Variants in ZNF148 observed in about 807,000 individuals in gnomAD.
ZNF148 encodes zinc finger protein 148, also known as Beta-Enolase Repressor Factor-1.
ZNF148 carries 7 observed loss-of-function variants against 67.7 expected under a neutral mutation model. That is an observed-to-expected ratio of 0.10 (90% CI 0.06 to 0.19). The LOEUF (loss-of-function observed/expected upper bound fraction) is 0.19, where lower values mean the gene tolerates loss of function less well. ZNF148 is among the 10% of genes least tolerant of loss of function. The probability of loss-of-function intolerance (pLI) is 1.00; values close to 1 mark genes in which losing one functional copy is unlikely to be tolerated. For synonymous variants in ZNF148, 333 were observed against 330.7 expected (o/e 1.01, Z -0.08); for missense variants, 583 against 947.1 (o/e 0.62, Z 5.05).
chr3:125,306,998 C>T (rs1939912506), intron 4 of ZNF148, among the ~76,000 whole-genome samples: 6 of 150,758 alleles, frequency 4.0e-5, no homozygotes, highest in Admixed American at 3.3e-4. Context: ...GAGAAGGAAA[C>T]ACTTCCTAAC....
In ZNF148 at chr3:125,288,150, C is replaced by T. The variant is rs778179692; in HGVS notation, c.412G>A (p.Val138Ile). 1.8e-5 allele frequency: 29 copies of T among 1,613,764 alleles called. No individual in the cohort carries two copies. Among genetic ancestry groups the T allele is most frequent in the Non-Finnish European group, 2.4e-5 (28 of 1,179,892 alleles). The change falls in exon 5 of 9, where the codon GTA becomes ATA. Residue 138 changes from valine (V) to isoleucine (I), a missense_variant. Val to Ile is a conservative substitution (Grantham distance 29, BLOSUM62 3). Transcript: ENST00000360647. ...MRDKKQIREPVDLQKKKKRKQ... is the reference protein window; with the variant it reads ...MRDKKQIREPIDLQKKKKRKQ... ...CGCTTCTTCTTTTTCTGTAAGTCTA[C>T]TGGCTCTCTGATTTGTTTTTTGTCT...
chr3:125,226,336 T>C lies in ZNF148; in HGVS notation c.*6005A>G, dbSNP rs994682242. On this transcript the variant is annotated 3_prime_UTR_variant, in exon 9 of 9. Transcript: ENST00000360647. The stretch of plus-strand genomic sequence containing the variant: ...ACCATTCGTTATTTGGTTCAGAATA[T>C]TGTGAAAAATTCAGCTCGAAAATTA... 3.4e-4 allele frequency: 52 copies of C among 152,484 alleles called. 1 individual carries two copies. The highest frequency in any genetic ancestry group is 3.4e-3 in the Middle Eastern group (1 of 294). The allele number at this position is 152,484 out of a possible 1,614,324, so 9.4% of individuals were successfully genotyped here. A position where few individuals can be genotyped will look rare whatever the true frequency, so the allele number is the denominator to read the frequency against.
At chr3:125,270,060 T>C (rs1314333888) in intron 7 of ZNF148, among the ~76,000 whole-genome samples, 1 of 152,124 alleles carries the variant, frequency 6.6e-6, no homozygotes, top group Non-Finnish European at 1.5e-5. Context: ...CTCAGAATCA[T>C]GCAATATCCC....
At chr3:125,291,193 T>C (rs986158793) in intron 4 of ZNF148, among the ~76,000 whole-genome samples, 2 of 152,090 alleles carry the variant, frequency 1.3e-5, no homozygotes, top group African/African-American at 4.8e-5. Context: ...CCCAGTGACA[T>C]CCACTTCCCT....
chr3:125,342,689 A>C (rs1479159007), intron 1 of ZNF148, among the ~76,000 whole-genome samples: 1 of 152,208 alleles, frequency 6.6e-6, no homozygotes, highest in Non-Finnish European at 1.5e-5. Flanking sequence ...AGGAATGTTG[A>C]AATATCAAAG....
At chr3:125,312,259 A>T (rs115992067) in intron 4 of ZNF148, among the ~76,000 whole-genome samples, 120 of 152,348 alleles carry the variant, frequency 7.9e-4, no homozygotes, top group African/African-American at 2.7e-3. Flanking sequence ...TATTCCAGGT[A>T]TGAAAGTTGC....
At chr3:125,352,612 T>G (rs1422435802) in intron 1 of ZNF148, among the ~76,000 whole-genome samples, 1 of 149,636 alleles carries the variant, frequency 6.7e-6, no homozygotes, top group African/African-American at 2.5e-5. Context: ...ATGGAAGATC[T>G]AAGTAAACGG....
intron 1 of ZNF148, among the ~76,000 whole-genome samples, chr3:125,345,581 TAACAAC>T (rs145079901): frequency 2.9e-4 from 44 of 150,696 alleles, no homozygotes; most frequent in Admixed American, 2.2e-3. Flanking sequence ...CTATCAAAAC[TAACAAC>T]AACAACAACA....
intron 1 of ZNF148, among the ~76,000 whole-genome samples, chr3:125,374,830 C>T (rs949556035): frequency 1.4e-4 from 21 of 152,042 alleles, no homozygotes; most frequent in African/African-American, 5.1e-4. Context: ...ACACCCGCCT[C>T]CAGCCTCGGA....
chr3:125,315,280 T>A (rs1446814811), intron 3 of ZNF148, among the ~76,000 whole-genome samples: 2 of 152,074 alleles, frequency 1.3e-5, no homozygotes, highest in African/African-American at 4.8e-5. Context: ...AAACTCCATA[T>A]CCTTAATATA....
At chr3:125,306,692 C>CA (rs1466263034) in intron 4 of ZNF148, among the ~76,000 whole-genome samples, 3 of 151,692 alleles carry the variant, frequency 2.0e-5, no homozygotes, top group East Asian at 3.9e-4. Flanking sequence ...CCTGTCTCTA[C>CA]AAAAAAAATT....
intron 4 of ZNF148, among the ~76,000 whole-genome samples, chr3:125,307,914 T>C (rs556199940): frequency 2.7e-4 from 40 of 150,884 alleles, no homozygotes; most frequent in African/African-American, 9.0e-4. Flanking sequence ...CTCGGCCCCC[T>C]AAAGTGCTGA....
chr3:125,317,698 CAT>C (rs1553708300), intron 3 of ZNF148, among the ~76,000 whole-genome samples: 4 of 103,328 alleles, frequency 3.9e-5, no homozygotes, highest in East Asian at 2.6e-4. Flanking sequence ...TACACACACA[CAT>C]ATATATATAT....
chr3:125,315,526 G>A (rs1183516771), intron 3 of ZNF148, among the ~76,000 whole-genome samples: 1 of 151,922 alleles, frequency 6.6e-6, no homozygotes, highest in South Asian at 2.1e-4. Context: ...GGCCAACATG[G>A]TGAAACCCTG....
chr3:125,372,994 T>A (rs180685027), intron 1 of ZNF148, among the ~76,000 whole-genome samples: 5,417 of 152,040 alleles, frequency 0.036, 151 homozygotes, highest in South Asian at 0.085. Flanking sequence ...AAAATTTTTT[T>A]AAAAAGGGTA....
intron 4 of ZNF148, among the ~76,000 whole-genome samples, chr3:125,307,811 AT>A (rs34469920): frequency 0.032 from 4,040 of 127,192 alleles, 73 homozygotes; most frequent in Middle Eastern, 0.043. Context: ...TGCCCAGATA[AT>A]TTTTTTTTTT....
At chr3:125,276,673 A>T (rs1404148075) in intron 7 of ZNF148, among the ~76,000 whole-genome samples, 2 of 152,054 alleles carry the variant, frequency 1.3e-5, no homozygotes, top group South Asian at 4.1e-4. Context: ...ACCTCAAGTG[A>T]TCCGCCCACC....
In ZNF148 at chr3:125,242,636, CAAAAACAAA is replaced by C. The variant is rs1229490284; in HGVS notation, c.668-8316_668-8308del. ...AGGGGTGAGACTCTTGTCTCAAAAACAAAAACAAAAAAAACAAAAATGAAAAACAAATCC... is the reference window on the plus strand; with the variant it reads ...AGGGGTGAGACTCTTGTCTCAAAAACAAAAACAAAAATGAAAAACAAATCC... On this transcript the variant is annotated intron_variant, in intron 7 of 8. Transcript: ENST00000360647. 3.3e-5 allele frequency among the ~76,000 whole-genome samples: 5 copies of C among 151,630 alleles called. No individual in the cohort carries two copies. The East Asian group carries it at 9.6e-4, about 29-fold the overall frequency.
At chr3:125,350,699 G>A (rs1229883096) in intron 1 of ZNF148, among the ~76,000 whole-genome samples, 2 of 152,182 alleles carry the variant, frequency 1.3e-5, no homozygotes. Context: ...GAATGTAAGA[G>A]AATCTAATGC....
Sources: allele counts gnomAD v4.1 joint callset (sites outside exome capture counted in the v4.1 genomes callset), GRCh38; gene constraint gnomAD v4.1.1; transcripts MANE v1.5; gene names NCBI Gene and HGNC (gene_info 2026-07-23, HGNC 2026-07-21).